KL: variants seen among roughly 807,000 people sequenced by gnomAD.
The protein encoded by KL is alpha-klotho.
A neutral mutation model predicts 84.2 loss-of-function variants in KL; 62 were observed. The ratio of observed to expected loss-of-function variants is 0.74; its 90% CI spans 0.60 to 0.91. The LOEUF (loss-of-function observed/expected upper bound fraction) is 0.91, where lower values mean the gene tolerates loss of function less well. KL is among the 40% of genes least tolerant of loss of function. The pLI, the probability that KL is intolerant of heterozygous loss-of-function variation, is 0.00. For missense variants in KL, 1,261 were observed against 1,305.7 expected (o/e 0.97, Z 0.53); for synonymous variants, 528 against 528.0 (o/e 1.00, Z 0.00).
intron 1 of KL, among the ~76,000 whole-genome samples, chr13:33,031,831 T>C (rs1330435247): frequency 6.6e-6 from 1 of 152,194 alleles, no homozygotes; most frequent in African/African-American, 2.4e-5. Flanking sequence ...TTGGTACTAT[T>C]TGATTTTAAA....
At chr13:33,046,435 G>A (rs1278947809) in intron 1 of KL, among the ~76,000 whole-genome samples, 2 of 152,140 alleles carry the variant, frequency 1.3e-5, no homozygotes, top group Admixed American at 6.6e-5. Context: ...TGTTCATAAT[G>A]TTCTCTTGTA....
At chr13:33,032,972 G>A (rs2138203503) in intron 1 of KL, among the ~76,000 whole-genome samples, 1 of 151,812 alleles carries the variant, frequency 6.6e-6, no homozygotes, top group Non-Finnish European at 1.5e-5. Context: ...ATCTTCTGGC[G>A]TTTTCACTTT....
chr13:33,025,508 T>C (rs995191830), intron 1 of KL, among the ~76,000 whole-genome samples: 1 of 152,152 alleles, frequency 6.6e-6, no homozygotes, highest in East Asian at 1.9e-4. Context: ...GAAACATCCC[T>C]TGCAAAGTCA....
chr13:33,052,911 G>A (rs1871807758), intron 1 of KL, among the ~76,000 whole-genome samples: 1 of 151,904 alleles, frequency 6.6e-6, no homozygotes, highest in Non-Finnish European at 1.5e-5. Context: ...TTCAAGTAGG[G>A]GAGAAAAAAC....
At chr13:33,047,320 A>G (rs372334184) in intron 1 of KL, among the ~76,000 whole-genome samples, 3 of 151,514 alleles carry the variant, frequency 2.0e-5, no homozygotes, top group African/African-American at 7.3e-5. Flanking sequence ...TTGCACACAG[A>G]ATGTAATTGA....
chr13:33,016,722 C>A lies in KL; in HGVS notation c.282C>A (p.Thr94=). 1 of 1,611,042 alleles carries A rather than the reference C, an allele frequency of 6.2e-7. No individual in the cohort carries two copies. The highest frequency in any genetic ancestry group is 8.5e-7 in the Non-Finnish European group (1 of 1,179,118). Residue 94 remains threonine, a synonymous_variant, in exon 1 of 5, where the codon ACC becomes ACA. Coordinates refer to ENST00000380099, the MANE Select transcript of KL (RefSeq NM_004795.4). The stretch of plus-strand genomic sequence containing the variant: ...GTGCGTCCATCTGGGATACGTTCAC[C>A]CACCACCCCCTGGCACCCCCGGGAG... ...GKGASIWDTF[T]HHPLAPPGDS...
Position 33,017,516 on chromosome 13 carries a change from G to C in KL, c.819+257G>C, listed in dbSNP as rs138294422. 2.5e-3 allele frequency among the ~76,000 whole-genome samples: 382 copies of C among 152,356 alleles called. 1 individual carries two copies. Among genetic ancestry groups the C allele is most frequent in the Non-Finnish European group, 4.1e-3 (277 of 68,030 alleles). ...AAGGAAGCGGTGATAGGTTTCCGCAGTGAGGAAAGAAACTCCTTTCTCTGG... is the reference window on the plus strand; with the variant it reads ...AAGGAAGCGGTGATAGGTTTCCGCACTGAGGAAAGAAACTCCTTTCTCTGG... On this transcript the variant is annotated intron_variant, in intron 1 of 4. Transcript: ENST00000380099.
At chr13:33,058,312 T>G (rs1048236591) in intron 3 of KL, among the ~76,000 whole-genome samples, 1 of 152,074 alleles carries the variant, frequency 6.6e-6, no homozygotes, top group African/African-American at 2.4e-5. Flanking sequence ...TTAGGTGGAA[T>G]TTTGCCCCAA....
At chr13:33,025,131 T>G (rs1870719950) in intron 1 of KL, among the ~76,000 whole-genome samples, 1 of 152,192 alleles carries the variant, frequency 6.6e-6, no homozygotes, top group Admixed American at 6.5e-5. Flanking sequence ...ATAATTACAG[T>G]AAAATGTATA....
intron 1 of KL, among the ~76,000 whole-genome samples, chr13:33,021,788 G>T (rs1870585081): frequency 6.6e-6 from 1 of 152,170 alleles, no homozygotes; most frequent in African/African-American, 2.4e-5. Flanking sequence ...GGAGGCTGAG[G>T]CAGGAGAATC....
intron 1 of KL, among the ~76,000 whole-genome samples, chr13:33,038,905 TA>T (rs1187268492): frequency 6.6e-6 from 1 of 152,224 alleles, no homozygotes; most frequent in Non-Finnish European, 1.5e-5. Context: ...ATTCCAGTTT[TA>T]AAAAATTTGT....
intron 3 of KL, 186 bp downstream of exon 3, chr13:33,055,501 C>A: frequency 1.5e-6 from 1 of 684,012 alleles, no homozygotes; most frequent in Non-Finnish European, 2.6e-6. Flanking sequence ...TTCCAATCTT[C>A]ATCTTGTTTA....
chr13:33,026,502 C>A (rs1870782720), intron 1 of KL, among the ~76,000 whole-genome samples: 1 of 152,146 alleles, frequency 6.6e-6, no homozygotes, highest in Admixed American at 6.5e-5. Context: ...GACCTAGGCA[C>A]CTCTTCAGTC....
intron 3 of KL, among the ~76,000 whole-genome samples, chr13:33,059,525 T>A (rs1457420735): frequency 6.6e-6 from 1 of 152,038 alleles, no homozygotes; most frequent in Non-Finnish European, 1.5e-5. Flanking sequence ...CAGGCTGGAG[T>A]GCAGTGCCAT....
rs566834189 is a variant in KL at position 33,035,936 on chromosome 13, TA to T, written c.820-17830del. Among the ~76,000 whole-genome samples the T allele has an allele frequency of 2.0e-3, 304 of 152,384 alleles. 1 individual carries two copies. The highest frequency in any genetic ancestry group is 7.2e-3 in the African/African-American group (300 of 41,598). On this transcript the variant is annotated intron_variant, in intron 1 of 4. Coordinates refer to ENST00000380099, the MANE Select transcript of KL (RefSeq NM_004795.4). ...CCAGTGTAAGTTATGAAATCTTTTTTATTTCATTTGAAGGAAGTTTTTATTT... is the reference window on the plus strand; with the variant it reads ...CCAGTGTAAGTTATGAAATCTTTTTTTTTCATTTGAAGGAAGTTTTTATTT...
intron 1 of KL, among the ~76,000 whole-genome samples, chr13:33,022,188 T>A (rs1377610050): frequency 1.3e-5 from 2 of 152,236 alleles, no homozygotes; most frequent in African/African-American, 4.8e-5. Context: ...TCAAGTAATG[T>A]CAATGCACCT....
chr13:33,017,185 GCC>G lies in KL; in HGVS notation c.746_747del (p.Ala249AspfsTer85). The G allele has an allele frequency of 6.3e-7, 1 of 1,598,392 alleles. No individual in the cohort carries two copies. Among genetic ancestry groups the G allele is most frequent in the Admixed American group, 1.7e-5 (1 of 59,902 alleles). ...CTACGTGGTGGCCTGGCACGGCTAC[GCC>G]ACCGGGCGCCTGGCCCCCGGCATCC... ...NPYVVAWHGY[A>X]TGRLAPGIRG... On this transcript the variant is annotated frameshift_variant, in exon 1 of 5. Coordinates refer to ENST00000380099, the MANE Select transcript of KL (RefSeq NM_004795.4). LOFTEE classifies it high-confidence loss of function.
intron 1 of KL, among the ~76,000 whole-genome samples, chr13:33,035,655 T>A (rs181118148): frequency 7.2e-5 from 11 of 152,286 alleles, no homozygotes; most frequent in Admixed American, 2.6e-4. Context: ...TTTGTTGCTA[T>A]TAGAAAAACA....
At chr13:33,043,337 A>G (rs1452649389) in intron 1 of KL, among the ~76,000 whole-genome samples, 1 of 151,636 alleles carries the variant, frequency 6.6e-6, no homozygotes, top group African/African-American at 2.4e-5. Flanking sequence ...TTCATGCCTC[A>G]GCATCCCAAG....
Sources: gnomAD v4.1 joint callset for allele counts (sites outside exome capture counted in the v4.1 genomes callset) on GRCh38, gnomAD v4.1.1 for gene constraint, MANE v1.5 for transcripts, NCBI Gene and HGNC (gene_info 2026-07-23, HGNC 2026-07-21) for gene names.